MEGF11: variants seen among roughly 807,000 people sequenced by gnomAD.
MEGF11 encodes multiple epidermal growth factor-like domains protein 11.
In MEGF11, 126 loss-of-function variants were observed where a neutral mutation model predicts 146.6. That is an observed-to-expected ratio of 0.86 (90% CI 0.74 to 1.00). MEGF11 has a LOEUF of 1.00. MEGF11 is among the 50% of genes least tolerant of loss of function. MEGF11 has a pLI of 0.00. For synonymous variants in MEGF11, 532 were observed against 583.4 expected (o/e 0.91, Z 1.27); for missense variants, 1,509 against 1,521.2 (o/e 0.99, Z 0.13).
chr15:66,108,475 A>G (rs2087211845), intron 4 of MEGF11, among the ~76,000 whole-genome samples: 1 of 152,196 alleles, frequency 6.6e-6, no homozygotes, highest in Non-Finnish European at 1.5e-5. Flanking sequence ...TAGTGCAAAG[A>G]AAAAAACAAA....
At chr15:65,915,363 T>A in intron 19 of MEGF11, 107 bp downstream of exon 19, 1 of 1,413,682 alleles carries the variant, frequency 7.1e-7, no homozygotes. Flanking sequence ...CTCACAAATG[T>A]GAATAAAGGG....
At chr15:66,075,313 C>G (rs1374463827) in intron 5 of MEGF11, among the ~76,000 whole-genome samples, 1 of 152,194 alleles carries the variant, frequency 6.6e-6, no homozygotes, top group African/African-American at 2.4e-5. Flanking sequence ...AGCAAGGGCT[C>G]TATGGAGACT....
At chr15:65,938,239 CA>C (rs924010411) in intron 10 of MEGF11, among the ~76,000 whole-genome samples, 66 of 152,062 alleles carry the variant, frequency 4.3e-4, no homozygotes, top group Non-Finnish European at 8.4e-4. Flanking sequence ...AAACTGAGGC[CA>C]AAAAAGGGAA....
At chr15:65,908,928 G>A (rs1413122421) in intron 23 of MEGF11, 106 bp downstream of exon 23, 1 of 665,362 alleles carries the variant, frequency 1.5e-6, no homozygotes, top group African/African-American at 1.8e-5. Flanking sequence ...TTAAAAGGGA[G>A]AGTTCTGGGA....
chr15:65,965,613 CT>C (rs1186551497), intron 8 of MEGF11, among the ~76,000 whole-genome samples: 672 of 53,404 alleles, frequency 0.013, 2 homozygotes, highest in Middle Eastern at 0.062. Flanking sequence ...TTTTTTTTTT[CT>C]TTTTTTTTTT....
intron 5 of MEGF11, among the ~76,000 whole-genome samples, chr15:66,032,381 T>TGGTC (rs925792296): frequency 6.6e-6 from 1 of 152,254 alleles, no homozygotes; most frequent in Non-Finnish European, 1.5e-5. Context: ...GTTTGAGGAC[T>TGGTC]GGGTAATGGG....
intron 1 of MEGF11, among the ~76,000 whole-genome samples, chr15:66,237,655 T>C (rs4776769): frequency 0.46 from 69,884 of 151,924 alleles, 17,030 homozygotes; most frequent in East Asian, 0.68. Context: ...TTGGGAGAAT[T>C]GAATGAGTAA....
intron 5 of MEGF11, among the ~76,000 whole-genome samples, chr15:65,983,293 A>T (rs1462295243): frequency 6.6e-6 from 1 of 152,210 alleles, no homozygotes; most frequent in African/African-American, 2.4e-5. Context: ...AAAGAGAGAT[A>T]GCTGAGCCAG....
chr15:65,955,187 G>A (rs903333336), intron 10 of MEGF11, among the ~76,000 whole-genome samples: 8 of 152,140 alleles, frequency 5.3e-5, no homozygotes, highest in African/African-American at 1.4e-4. Context: ...ACTTGGCTAC[G>A]TGAGATTTTT....
intron 3 of MEGF11, 37 bp downstream of exon 3, chr15:66,123,862 C>A (rs1032551355): frequency 6.4e-7 from 1 of 1,556,190 alleles, no homozygotes; most frequent in Non-Finnish European, 8.9e-7. Context: ...GAGCCCAGTG[C>A]CTTTTCCCTG....
chr15:66,201,971 A>C (rs2091172115), intron 1 of MEGF11, among the ~76,000 whole-genome samples: 1 of 149,382 alleles, frequency 6.7e-6, no homozygotes, highest in Non-Finnish European at 1.5e-5. Flanking sequence ...AAAAAAAAAA[A>C]AAAACCTGCC....
chr15:65,905,984 C>G, intron 24 of MEGF11, 101 bp downstream of exon 24: 1 of 966,920 alleles, frequency 1.0e-6, no homozygotes. Context: ...GGGGGGCAGG[C>G]ACACACAGTT....
At chr15:65,974,688 T>C (rs779441076) in intron 7 of MEGF11, among the ~76,000 whole-genome samples, 4 of 152,050 alleles carry the variant, frequency 2.6e-5, no homozygotes, top group Non-Finnish European at 5.9e-5. Flanking sequence ...GTAGGGGTCC[T>C]TCTTCCTCCT....
At chr15:65,943,135 C>T (rs1596878991) in intron 10 of MEGF11, among the ~76,000 whole-genome samples, 1 of 151,824 alleles carries the variant, frequency 6.6e-6, no homozygotes, top group African/African-American at 2.4e-5. Context: ...GCACATGCCA[C>T]CAGGCCTGGC....
In MEGF11 at chr15:66,211,523, CAA is replaced by C. The variant is rs10709815; in HGVS notation, c.-9+42080_-9+42081del. ...TGGGTGACAGAGTGAGACTCAGTCT[CAA>C]AAAAAAAAAAAAAAAAGAAAATCAT... On this transcript the variant is annotated intron_variant, in intron 1 of 25. Transcript: ENST00000395614. 5.5e-3 allele frequency among the ~76,000 whole-genome samples: 508 copies of C among 91,596 alleles called. 1 individual carries two copies. The highest frequency in any genetic ancestry group is 0.011 in the Middle Eastern group (2 of 190). 60.1% of individuals were successfully genotyped at this position (91,596 alleles called of 152,430 possible).
chr15:66,021,223 G>A (rs1170698573), intron 5 of MEGF11, among the ~76,000 whole-genome samples: 2 of 152,088 alleles, frequency 1.3e-5, no homozygotes, highest in African/African-American at 4.8e-5. Flanking sequence ...TCATAAGTCA[G>A]TCAATCAATC....
chr15:65,946,907 G>A (rs1024577614), intron 10 of MEGF11, among the ~76,000 whole-genome samples: 3 of 152,116 alleles, frequency 2.0e-5, no homozygotes, highest in African/African-American at 7.2e-5. Flanking sequence ...CTCGACACCT[G>A]TGCCTCATGG....
intron 1 of MEGF11, among the ~76,000 whole-genome samples, chr15:66,167,343 A>G (rs945509197): frequency 6.6e-6 from 1 of 152,156 alleles, no homozygotes; most frequent in Non-Finnish European, 1.5e-5. Context: ...TTATACAGCT[A>G]AAGAAGGCCC....
At chr15:65,930,716 TG>T (rs2079546168) in intron 11 of MEGF11, 106 bp downstream of exon 11, 11 of 1,373,214 alleles carry the variant, frequency 8.0e-6, no homozygotes, top group Non-Finnish European at 9.7e-6. Context: ...ACCTTGCATG[TG>T]GGGGCGGGGG....
Sources: allele counts gnomAD v4.1 joint callset (sites outside exome capture counted in the v4.1 genomes callset), GRCh38; gene constraint gnomAD v4.1.1; transcripts MANE v1.5; gene names NCBI Gene and HGNC (gene_info 2026-07-23, HGNC 2026-07-21).